ADPRHL1: variants seen among roughly 807,000 people sequenced by gnomAD.
ADPRHL1 encodes the protein ADP-ribosylhydrolase like 1, also known as inactive ADP-ribosyltransferase ARH2.
A neutral mutation model predicts 44.1 loss-of-function variants in ADPRHL1; 43 were observed. The observed-to-expected ratio is 0.98, with a 90% CI of 0.76 to 1.26. ADPRHL1 has a LOEUF of 1.26. Among genes scored for constraint, ADPRHL1 ranks in the 50% most tolerant of loss-of-function variants. The pLI, the probability that ADPRHL1 is intolerant of heterozygous loss-of-function variation, is 0.00. For missense variants in ADPRHL1, 2,022 were observed against 2,496.9 expected (o/e 0.81, Z 4.05); for synonymous variants, 878 against 1,017.4 (o/e 0.86, Z 2.61).
rs2043756579 is a variant in ADPRHL1 at position 113,400,937 on chromosome 13, TCTC to T, written c.*2438_*2440del. The T allele has an allele frequency of 6.6e-6, 1 of 152,210 alleles. No individual in the cohort carries two copies. The highest frequency in any genetic ancestry group is 2.4e-5 in the African/African-American group (1 of 41,452). The allele number at this position is 152,210 out of a possible 1,614,324, so 9.4% of individuals were successfully genotyped here. A position where few individuals can be genotyped will look rare whatever the true frequency, so the allele number is the denominator to read the frequency against. Reference sequence around the variant, plus strand: ...CTTAAAATAAAACCACTCAATGCCTTCTCCAGTGTACTCTCTGGTCTATTTAAA... The same window carrying T: ...CTTAAAATAAAACCACTCAATGCCTTCAGTGTACTCTCTGGTCTATTTAAA... On this transcript the variant is annotated 3_prime_UTR_variant, in exon 8 of 8. Coordinates refer to ENST00000612156, the MANE Select transcript of ADPRHL1 (RefSeq NM_001394807.1).
intron 2 of ADPRHL1, among the ~76,000 whole-genome samples, chr13:113,435,013 C>A (rs1595550821): frequency 8.0e-6 from 1 of 125,234 alleles, no homozygotes; most frequent in Admixed American, 8.1e-5. Context: ...ACCCCGGGAC[C>A]CGGCACCCAG....
intron 2 of ADPRHL1, among the ~76,000 whole-genome samples, chr13:113,440,056 T>C (rs2044086802): frequency 6.6e-6 from 1 of 151,602 alleles, no homozygotes; most frequent in Non-Finnish European, 1.5e-5. Context: ...TGCTCTACTC[T>C]TTTTCTGTTT....
intron 7 of ADPRHL1, among the ~76,000 whole-genome samples, chr13:113,416,974 C>T (rs1227055257): frequency 6.6e-6 from 1 of 152,208 alleles, no homozygotes; most frequent in Non-Finnish European, 1.5e-5. Context: ...GCTGCTGATC[C>T]TGGGCAAAGG....
At chr13:113,432,750 C>T (rs2044015953) in intron 3 of ADPRHL1, among the ~76,000 whole-genome samples, 1 of 152,190 alleles carries the variant, frequency 6.6e-6, no homozygotes, top group Admixed American at 6.5e-5. Context: ...CAGCTCTGCC[C>T]TCCTTGTTGG....
chr13:113,412,631 C>G lies in ADPRHL1; in HGVS notation c.1062-4411G>C, dbSNP rs59202480. Among the ~76,000 whole-genome samples the G allele has an allele frequency of 8.0e-3, 1,219 of 152,352 alleles. 19 individuals are homozygous for G. The highest frequency in any genetic ancestry group is 0.057 in the East Asian group (293 of 5,184). On this transcript the variant is annotated intron_variant, in intron 7 of 7. Transcript: ENST00000612156. ...GAGTCCAGAGCAGCGTTGGGCACAG[C>G]CGGGCGGGCTGGCAGAAGACCCGTG...
intron 7 of ADPRHL1, among the ~76,000 whole-genome samples, chr13:113,418,215 G>GGT (rs34979080): frequency 0.023 from 3,548 of 152,316 alleles, 60 homozygotes; most frequent in Non-Finnish European, 0.034. Context: ...ACAAAATGGG[G>GGT]GTAGTAAAAA....
chr13:113,412,787 C>T (rs374048080), intron 7 of ADPRHL1, among the ~76,000 whole-genome samples: 2 of 101,650 alleles, frequency 2.0e-5, no homozygotes, highest in East Asian at 4.8e-4. Flanking sequence ...CCGCAGAACT[C>T]GGTTCACCCA....
chr13:113,448,602 T>C (rs1395195389), intron 1 of ADPRHL1, among the ~76,000 whole-genome samples: 1 of 152,072 alleles, frequency 6.6e-6, no homozygotes, highest in Non-Finnish European at 1.5e-5. Flanking sequence ...TGCCATGAGC[T>C]GAAGTGCCAC....
intron 2 of ADPRHL1, 45 bp downstream of exon 2, chr13:113,444,380 C>T (rs1344823185): frequency 1.2e-5 from 19 of 1,600,654 alleles, no homozygotes; most frequent in Non-Finnish European, 1.4e-5. Flanking sequence ...ACCGCAGGGT[C>T]CCCAGCAGGG....
intron 2 of ADPRHL1, among the ~76,000 whole-genome samples, chr13:113,434,145 C>CAT (rs1566477138): frequency 1.3e-5 from 2 of 152,156 alleles, no homozygotes; most frequent in African/African-American, 4.8e-5. Context: ...ATGCTTTCAA[C>CAT]GAGATGTTTT....
chr13:113,403,954 A>G lies in ADPRHL1; in HGVS notation c.5328T>C (p.Ala1776=). Residue 1776 remains alanine (A), a synonymous_variant, in exon 8 of 8, where the codon GCT becomes GCC. Coordinates refer to ENST00000612156, the MANE Select transcript of ADPRHL1 (RefSeq NM_001394807.1). The part of the protein sequence containing the change: ...KGAQEWARDR[A]RDQGWEQTQI... Reference sequence around the variant, plus strand: ...GGGTCTGCTCCCAGCCCTGATCCCGAGCCCGATCCCGAGCCCATTCCTGAG... The same window carrying G: ...GGGTCTGCTCCCAGCCCTGATCCCGGGCCCGATCCCGAGCCCATTCCTGAG... 1 of 1,282,094 alleles carries G rather than the reference A, an allele frequency of 7.8e-7. No homozygotes were observed. The highest frequency in any genetic ancestry group is 9.8e-7 in the Non-Finnish European group (1 of 1,023,352). 79.4% of individuals were successfully genotyped at this position (1,282,094 alleles called of 1,614,324 possible).
In ADPRHL1 at chr13:113,406,807, A is replaced by C. The variant is rs2043812677; in HGVS notation, c.2475T>G (p.Ala825=). The C allele has an allele frequency of 1.6e-6, 2 of 1,231,782 alleles. No homozygotes were observed. Among genetic ancestry groups the C allele is most frequent in the African/African-American group, 3.1e-5 (2 of 64,362 alleles). The allele number at this position is 1,231,782 out of a possible 1,614,324, so 76.3% of individuals were successfully genotyped here. Residue 825 remains alanine (A), a synonymous_variant, in exon 8 of 8, where the codon GCT becomes GCG. Transcript: ENST00000612156. ...KVPEHIPPLN[A]PSVQAARRTQ... ...TTCTCCGAGCAGCCTGGACCGATGG[A>C]GCGTTCAGGGGTGGGATGTGCTCCG...
chr13:113,446,737 T>C (rs1785131430), intron 1 of ADPRHL1, among the ~76,000 whole-genome samples: 1 of 152,140 alleles, frequency 6.6e-6, no homozygotes, highest in Non-Finnish European at 1.5e-5. Context: ...CATTGCGCTG[T>C]GTAAACACAG....
intron 1 of ADPRHL1, among the ~76,000 whole-genome samples, chr13:113,447,153 GTCTACACT>G (rs2044146449): frequency 7.2e-6 from 1 of 139,340 alleles, no homozygotes. Context: ...TGTGCATGGC[GTCTACACT>G]CACGGTGTTG....
In ADPRHL1 at chr13:113,407,047, G is replaced by C. The variant is rs1273477066; in HGVS notation, c.2235C>G (p.Asp745Glu). 1 of 1,232,124 alleles carries C rather than the reference G, an allele frequency of 8.1e-7. No individual in the cohort carries two copies. The highest frequency in any genetic ancestry group is 1.6e-5 in the African/African-American group (1 of 64,426). 76.3% of individuals were successfully genotyped at this position (1,232,124 alleles called of 1,614,324 possible). A position where few individuals can be genotyped will look rare whatever the true frequency, so the allele number is the denominator to read the frequency against. Residue 745 changes from aspartate to glutamate, a missense_variant, in exon 8 of 8, where the codon GAC becomes GAG. Transcript: ENST00000612156. ...CTCCTGCGGTGCTCTCTGCGGTGGG[G>C]TCTGCAGTCCCATCACCTCCGGCTG... ...TGSAGGDGTA[D>E]PTAESTAGGV...
At chr13:113,439,369 G>A (rs1028068380) in intron 2 of ADPRHL1, among the ~76,000 whole-genome samples, 2 of 150,840 alleles carry the variant, frequency 1.3e-5, no homozygotes, top group East Asian at 2.0e-4. Flanking sequence ...GTGATCTGCC[G>A]GCCTTGGCCT....
Position 113,407,960 on chromosome 13 carries a change from C to G in ADPRHL1, c.1322G>C (p.Arg441Pro). ...CCTGGTCCTCTTGAGGTAGCGCTCC[C>G]GGCCAGTGCCCAGGAACTTGGCCTG... ...LLQAKFLGTGRERYLKRTREV... is the reference protein window; with the variant it reads ...LLQAKFLGTGPERYLKRTREV... The change falls in exon 8 of 8, where the codon CGG becomes CCG. Residue 441 changes from arginine (R) to proline (P), a missense_variant. This residue lies in a region of ADPRHL1 where 1,221 missense variants were observed against 1,517.8 expected (regional missense o/e 0.80). Coordinates refer to ENST00000612156, the MANE Select transcript of ADPRHL1 (RefSeq NM_001394807.1). The G allele has an allele frequency of 8.1e-7, 1 of 1,232,054 alleles. No individual in the cohort carries two copies. The highest frequency in any genetic ancestry group is 1.0e-6 in the Non-Finnish European group (1 of 987,978). 76.3% of individuals were successfully genotyped at this position (1,232,054 alleles called of 1,614,324 possible).
chr13:113,422,573 G>A, intron 7 of ADPRHL1: 1 of 527,870 alleles, frequency 1.9e-6, no homozygotes, highest in Non-Finnish European at 3.4e-6. Context: ...ACGCATGGAG[G>A]TCCAAGTGCG....
At chr13:113,424,083 G>A in intron 6 of ADPRHL1, 134 bp downstream of exon 6, 2 of 1,272,518 alleles carry the variant, frequency 1.6e-6, no homozygotes, top group Non-Finnish European at 2.1e-6. Flanking sequence ...GTTCCAGAAA[G>A]GAAGAGATGG....
Sources: gnomAD v4.1 joint callset for allele counts (sites outside exome capture counted in the v4.1 genomes callset) on GRCh38, gnomAD v4.1.1 for gene constraint, gnomAD v4.1.1 regional missense constraint, MANE v1.5 for transcripts, NCBI Gene and HGNC (gene_info 2026-07-23, HGNC 2026-07-21) for gene names.